The following FIGN variants were observed in gnomAD, a reference collection of about 807,000 sequenced individuals.
FIGN encodes fidgetin, microtubule severing factor.
FIGN carries 11 observed loss-of-function variants against 51.3 expected under a neutral mutation model. That is an observed-to-expected ratio of 0.21 (90% CI 0.13 to 0.35). FIGN has a LOEUF of 0.35. Among genes scored for constraint, FIGN ranks in the 10% least tolerant of loss-of-function variants. The pLI is 1.00. For synonymous variants in FIGN, 407 were observed against 363.2 expected (o/e 1.12, Z -1.37); for missense variants, 857 against 943.6 (o/e 0.91, Z 1.20).
chr2:163,719,161 C>T (rs73974384), intron 2 of FIGN, among the ~76,000 whole-genome samples: 1 of 152,108 alleles, frequency 6.6e-6, no homozygotes, highest in Non-Finnish European at 1.5e-5. Context: ...ACCACGATTC[C>T]GATCTGAAGC....
intron 2 of FIGN, among the ~76,000 whole-genome samples, chr2:163,717,609 G>A (rs16848832): frequency 0.038 from 5,787 of 152,016 alleles, 132 homozygotes; most frequent in Non-Finnish European, 0.046. Context: ...GTTTTTTGTC[G>A]GCTTAAGGGT....
rs1311839087 is a variant in FIGN at position 163,663,883 on chromosome 2, CAAAAG to C, written c.26-52082_26-52078del. On this transcript the variant is annotated intron_variant, in intron 2 of 2. Transcript: ENST00000333129. ...GGAAACAAGAACGAAACTCCATCTC[CAAAAG>C]AAAAGAAAAGAAAAAAAAAAGATAG... Among the ~76,000 whole-genome samples, 13 of 147,108 alleles carry C rather than the reference CAAAAG, an allele frequency of 8.8e-5. No homozygotes were observed. The South Asian group carries it at 2.6e-3, about 29-fold the overall frequency.
At chr2:163,652,428 T>G (rs1683493528) in intron 2 of FIGN, among the ~76,000 whole-genome samples, 1 of 148,326 alleles carries the variant, frequency 6.7e-6, no homozygotes, top group Non-Finnish European at 1.5e-5. Flanking sequence ...ATCTAGAAAA[T>G]TAGTATTCTA....
intron 2 of FIGN, among the ~76,000 whole-genome samples, chr2:163,717,827 A>T (rs974510348): frequency 6.6e-6 from 1 of 152,178 alleles, no homozygotes; most frequent in Non-Finnish European, 1.5e-5. Context: ...ATTTCATTAG[A>T]AGGTTATTCA....
At chr2:163,621,605 T>C (rs1056908245) in intron 2 of FIGN, among the ~76,000 whole-genome samples, 2 of 152,104 alleles carry the variant, frequency 1.3e-5, no homozygotes. Flanking sequence ...ACAGCAGTAG[T>C]TTCCTCACCT....
intron 2 of FIGN, among the ~76,000 whole-genome samples, chr2:163,674,844 A>G (rs1443840036): frequency 6.6e-6 from 1 of 152,178 alleles, no homozygotes; most frequent in Admixed American, 6.5e-5. Context: ...TAAGAGTTCA[A>G]TGACTTTTTT....
chr2:163,621,792 T>C (rs1682977350), intron 2 of FIGN, among the ~76,000 whole-genome samples: 1 of 152,142 alleles, frequency 6.6e-6, no homozygotes, highest in East Asian at 1.9e-4. Context: ...AAACAAAGAA[T>C]GCTGCATAAT....
rs541924447 is a variant in FIGN at position 163,617,202 on chromosome 2, A to C, written c.26-5396T>G. The stretch of plus-strand genomic sequence containing the variant: ...TAAAATCTACAAGTAACAGAAAGGG[A>C]AAAAAGTGAGGAAGAAGCACTGAAA... On this transcript the variant is annotated intron_variant, in intron 2 of 2. Coordinates refer to ENST00000333129, the MANE Select transcript of FIGN (RefSeq NM_018086.4). 1.5e-5 allele frequency: 15 copies of C among 984,756 alleles called. No individual in the cohort carries two copies. The South Asian group carries it at 7.0e-4, about 46-fold the overall frequency. 61.0% of individuals were successfully genotyped at this position (984,756 alleles called of 1,614,324 possible).
At chr2:163,718,601 T>C (rs767948627) in intron 2 of FIGN, among the ~76,000 whole-genome samples, 4 of 152,142 alleles carry the variant, frequency 2.6e-5, no homozygotes, top group Non-Finnish European at 4.4e-5. Flanking sequence ...ATTTCTAAAA[T>C]AGATCATTTT....
intron 2 of FIGN, among the ~76,000 whole-genome samples, chr2:163,668,217 A>T (rs1290759108): frequency 1.3e-5 from 2 of 152,138 alleles, no homozygotes; most frequent in East Asian, 1.9e-4. Context: ...ATAGTATTTA[A>T]AGACACCATG....
intron 2 of FIGN, among the ~76,000 whole-genome samples, chr2:163,724,194 T>C (rs572494115): frequency 6.6e-6 from 1 of 152,328 alleles, no homozygotes; most frequent in African/African-American, 2.4e-5. Flanking sequence ...TGTGGGCTTC[T>C]GCTGACACTG....
chr2:163,722,515 C>T (rs1273430567), intron 2 of FIGN, among the ~76,000 whole-genome samples: 1 of 152,140 alleles, frequency 6.6e-6, no homozygotes, highest in Non-Finnish European at 1.5e-5. Context: ...TTTCTGTACC[C>T]TCAAATTTTT....
intron 2 of FIGN, among the ~76,000 whole-genome samples, chr2:163,632,601 A>T (rs902592951): frequency 6.6e-6 from 1 of 152,196 alleles, no homozygotes; most frequent in Non-Finnish European, 1.5e-5. Context: ...TTCCAGGTGC[A>T]TGGAATGTGG....
chr2:163,711,978 C>A (rs1402181518), intron 2 of FIGN, among the ~76,000 whole-genome samples: 2 of 152,078 alleles, frequency 1.3e-5, no homozygotes, highest in African/African-American at 4.8e-5. Context: ...ATTCCACAGC[C>A]CCCACCCTCT....
intron 2 of FIGN, among the ~76,000 whole-genome samples, chr2:163,667,858 T>C (rs527277141): frequency 4.1e-4 from 63 of 152,322 alleles, no homozygotes; most frequent in Non-Finnish European, 6.6e-4. Context: ...AGGAACTGCA[T>C]CTTCATCATC....
At chr2:163,667,093 T>C (rs1308208200) in intron 2 of FIGN, among the ~76,000 whole-genome samples, 1 of 152,128 alleles carries the variant, frequency 6.6e-6, no homozygotes, top group Non-Finnish European at 1.5e-5. Flanking sequence ...CCCAGAGGCA[T>C]AGTTTCCAGA....
At chr2:163,709,811 G>A (rs572154473) in intron 2 of FIGN, among the ~76,000 whole-genome samples, 1 of 152,210 alleles carries the variant, frequency 6.6e-6, no homozygotes, top group South Asian at 2.1e-4. Flanking sequence ...GTTTTAAAAT[G>A]GGCAGGTCAA....
At chr2:163,700,770 T>C (rs1182290949) in intron 2 of FIGN, among the ~76,000 whole-genome samples, 1 of 152,134 alleles carries the variant, frequency 6.6e-6, no homozygotes, top group Admixed American at 6.6e-5. Flanking sequence ...AGAAGTCTAG[T>C]GTCTAAAACT....
At chr2:163,644,395 T>A (rs893128284) in intron 2 of FIGN, among the ~76,000 whole-genome samples, 20 of 152,194 alleles carry the variant, frequency 1.3e-4, no homozygotes, top group African/African-American at 4.1e-4. Context: ...CATTTCATAC[T>A]TCCCAGGAGG....
Sources: gnomAD v4.1 joint callset for allele counts (sites outside exome capture counted in the v4.1 genomes callset) on GRCh38, gnomAD v4.1.1 for gene constraint, MANE v1.5 for transcripts, NCBI Gene and HGNC (gene_info 2026-07-23, HGNC 2026-07-21) for gene names.